KCNIP4: variants seen among roughly 807,000 people sequenced by gnomAD.
The protein encoded by KCNIP4 is potassium voltage-gated channel interacting protein 4.
KCNIP4 carries 12 observed loss-of-function variants against 34.0 expected under a neutral mutation model. That is an observed-to-expected ratio of 0.35 (90% CI 0.23 to 0.57). The LOEUF is 0.57. Among genes scored for constraint, KCNIP4 ranks in the 20% least tolerant of loss-of-function variants. KCNIP4 has a pLI of 0.83. For synonymous variants in KCNIP4, 124 were observed against 102.2 expected (o/e 1.21, Z -1.29); for missense variants, 238 against 311.7 (o/e 0.76, Z 1.78).
intron 1 of KCNIP4, chr4:20,984,061 C>A: frequency 7.2e-7 from 1 of 1,392,868 alleles, no homozygotes; most frequent in Non-Finnish European, 9.5e-7. Flanking sequence ...CAGATGCACC[C>A]TGCAAAGCCG....
chr4:21,493,313 G>A (rs750352364), intron 1 of KCNIP4, among the ~76,000 whole-genome samples: 1 of 152,030 alleles, frequency 6.6e-6, no homozygotes, highest in Non-Finnish European at 1.5e-5. Context: ...TAGGTGTGTT[G>A]TGATTATCTT....
At chr4:21,276,500 C>A in intron 1 of KCNIP4, among the ~76,000 whole-genome samples, 1 of 151,966 alleles carries the variant, frequency 6.6e-6, no homozygotes, top group East Asian at 1.9e-4. Context: ...CCACCGCACC[C>A]AGTCTTTTCA....
chr4:21,340,673 C>T (rs1011744298), intron 1 of KCNIP4, among the ~76,000 whole-genome samples: 3 of 150,688 alleles, frequency 2.0e-5, no homozygotes, highest in Non-Finnish European at 3.0e-5. Context: ...AAACATTCTA[C>T]TCTGAAAAAA....
chr4:21,152,313 C>A (rs1227453359), intron 1 of KCNIP4, among the ~76,000 whole-genome samples: 1 of 152,128 alleles, frequency 6.6e-6, no homozygotes, highest in Non-Finnish European at 1.5e-5. Context: ...TTCTAACTTA[C>A]TGTCTAATTT....
At chr4:21,265,705 A>G (rs1486540564) in intron 1 of KCNIP4, among the ~76,000 whole-genome samples, 4 of 152,230 alleles carry the variant, frequency 2.6e-5, no homozygotes, top group African/African-American at 9.6e-5. Flanking sequence ...AAGTTCCACA[A>G]TCAGAAGTCA....
intron 1 of KCNIP4, among the ~76,000 whole-genome samples, chr4:21,370,123 G>C (rs951930909): frequency 1.4e-5 from 2 of 147,448 alleles, no homozygotes; most frequent in African/African-American, 5.4e-5. Context: ...CACTGCACCC[G>C]GCCAACCCAA....
intron 1 of KCNIP4, among the ~76,000 whole-genome samples, chr4:21,401,385 C>T (rs1345976273): frequency 6.6e-6 from 1 of 152,154 alleles, no homozygotes; most frequent in Non-Finnish European, 1.5e-5. Context: ...TTTTACAAAT[C>T]TCCGATGCCC....
At chr4:20,836,086 A>G (rs1378623880) in intron 3 of KCNIP4, among the ~76,000 whole-genome samples, 3 of 152,178 alleles carry the variant, frequency 2.0e-5, no homozygotes, top group Admixed American at 2.0e-4. Context: ...TTTGTTTTAC[A>G]AACATAAATT....
At chr4:21,353,242 C>A (rs1028359360) in intron 1 of KCNIP4, among the ~76,000 whole-genome samples, 1 of 152,162 alleles carries the variant, frequency 6.6e-6, no homozygotes, top group African/African-American at 2.4e-5. Flanking sequence ...CTCTTCTCCT[C>A]CAAAGGATCG....
intron 3 of KCNIP4, among the ~76,000 whole-genome samples, chr4:20,823,035 G>T (rs1022428087): frequency 1.3e-5 from 2 of 152,136 alleles, no homozygotes; most frequent in Non-Finnish European, 2.9e-5. Flanking sequence ...CACTTGATCT[G>T]CCAGTGCTTT....
chr4:21,395,210 C>A (rs1722884480), intron 1 of KCNIP4, among the ~76,000 whole-genome samples: 1 of 152,234 alleles, frequency 6.6e-6, no homozygotes, highest in Non-Finnish European at 1.5e-5. Context: ...TTCCATAAAT[C>A]CCTTTAGGGC....
intron 1 of KCNIP4, among the ~76,000 whole-genome samples, chr4:21,709,636 A>C (rs1257346924): frequency 6.6e-6 from 1 of 152,138 alleles, no homozygotes; most frequent in Non-Finnish European, 1.5e-5. Context: ...AACAAAAAAA[A>C]CAGGTCTAAA....
intron 1 of KCNIP4, among the ~76,000 whole-genome samples, chr4:21,121,980 G>A (rs10938833): frequency 0.14 from 21,763 of 152,196 alleles, 1,760 homozygotes; most frequent in East Asian, 0.23. Flanking sequence ...TCAAAAATGA[G>A]TCACTGGCAG....
chr4:20,769,677 C>G (rs1463128888), intron 3 of KCNIP4, among the ~76,000 whole-genome samples: 1 of 152,186 alleles, frequency 6.6e-6, no homozygotes, highest in Non-Finnish European at 1.5e-5. Flanking sequence ...GCTGTGTGCT[C>G]TGCTCAGTCT....
intron 1 of KCNIP4, among the ~76,000 whole-genome samples, chr4:21,140,049 C>T (rs1751824452): frequency 6.6e-6 from 1 of 152,120 alleles, no homozygotes; most frequent in Non-Finnish European, 1.5e-5. Flanking sequence ...AGAAATTTAA[C>T]ACACTCTCTC....
intron 1 of KCNIP4, among the ~76,000 whole-genome samples, chr4:20,908,143 A>C (rs1440433585): frequency 2.9e-5 from 4 of 138,804 alleles, no homozygotes; most frequent in African/African-American, 1.1e-4. Context: ...TCTGTGGCCC[A>C]GGCTAGAGTG....
intron 1 of KCNIP4, among the ~76,000 whole-genome samples, chr4:21,654,833 A>C (rs925808333): frequency 1.3e-5 from 2 of 152,092 alleles, no homozygotes; most frequent in African/African-American, 2.4e-5. Context: ...CTGAGGCAGG[A>C]GAATGGCGTG....
intron 1 of KCNIP4, among the ~76,000 whole-genome samples, chr4:21,262,816 G>C (rs778942801): frequency 6.6e-6 from 1 of 152,094 alleles, no homozygotes; most frequent in Admixed American, 6.6e-5. Flanking sequence ...ATCAAAAACT[G>C]TTGTTATATA....
At chr4:21,455,187 C>T (rs915019675) in intron 1 of KCNIP4, among the ~76,000 whole-genome samples, 52 of 151,918 alleles carry the variant, frequency 3.4e-4, no homozygotes, top group African/African-American at 1.2e-3. Flanking sequence ...ATATCTACAC[C>T]TGGCCCAATC....
Sources: allele counts gnomAD v4.1 joint callset (sites outside exome capture counted in the v4.1 genomes callset), GRCh38; gene constraint gnomAD v4.1.1; transcripts MANE v1.5; gene names NCBI Gene and HGNC (gene_info 2026-07-23, HGNC 2026-07-21).